TRAF2: variants seen among roughly 807,000 people sequenced by gnomAD.
TRAF2 encodes the protein TNF receptor associated factor 2.
Under a neutral mutation model 55.6 loss-of-function variants are expected in TRAF2, and 6 were observed. The observed-to-expected ratio is 0.11, with a 90% CI of 0.06 to 0.21. The LOEUF (loss-of-function observed/expected upper bound fraction) is 0.21, where lower values mean the gene tolerates loss of function less well. Ranked by LOEUF, TRAF2 falls within the 10% of genes least tolerant of loss-of-function variation. The pLI, the probability that TRAF2 is intolerant of heterozygous loss-of-function variation, is 1.00. For missense variants in TRAF2, 561 were observed against 684.5 expected (o/e 0.82, Z 2.01); for synonymous variants, 329 against 276.3 (o/e 1.19, Z -1.89).
intron 6 of TRAF2, among the ~76,000 whole-genome samples, chr9:136,911,320 A>G (rs555639817): frequency 1.1e-4 from 16 of 141,200 alleles, no homozygotes; most frequent in African/African-American, 4.1e-4. Flanking sequence ...CCAGGAGTGC[A>G]ATGGTGTGAT....
Position 136,921,072 on chromosome 9 carries a change from A to G in TRAF2, c.995A>G (p.Asp332Gly). ...CTGGAGAGGAGCATTGGCCTCAAGG[A>G]CCTGGCGATGGCTGACTTGGAGCAG... ...QQLERSIGLK[D>G]LAMADLEQKV... Residue 332 changes from aspartate to glycine, a missense_variant, in exon 9 of 11, where the codon GAC becomes GGC. Physicochemically the swap from Asp to Gly is moderately conservative, Grantham distance 94. Transcript: ENST00000247668. The G allele has an allele frequency of 6.2e-7, 1 of 1,613,976 alleles. No homozygotes were observed. Among genetic ancestry groups the G allele is most frequent in the South Asian group, 1.1e-5 (1 of 91,076 alleles).
intron 6 of TRAF2, among the ~76,000 whole-genome samples, chr9:136,914,336 C>T (rs984038949): frequency 1.6e-4 from 25 of 152,316 alleles, no homozygotes; most frequent in Non-Finnish European, 2.6e-4. Context: ...CAGCATGCTG[C>T]GCACATGCCA....
intron 7 of TRAF2, among the ~76,000 whole-genome samples, chr9:136,919,372 C>T (rs1345216358): frequency 6.8e-6 from 1 of 147,620 alleles, no homozygotes; most frequent in Non-Finnish European, 1.5e-5. Context: ...GATCTCGGCT[C>T]ACCACAACCT....
At chr9:136,905,559 A>G (rs1849927655) in intron 4 of TRAF2, among the ~76,000 whole-genome samples, 1 of 152,230 alleles carries the variant, frequency 6.6e-6, no homozygotes, top group African/African-American at 2.4e-5. Flanking sequence ...ACTTAATACC[A>G]CAGAACTGTG....
At chr9:136,902,905 T>C (rs1849854881) in intron 4 of TRAF2, among the ~76,000 whole-genome samples, 1 of 152,238 alleles carries the variant, frequency 6.6e-6, no homozygotes, top group East Asian at 1.9e-4. Context: ...GGGAAAATCC[T>C]GCTTAGCTTT....
chr9:136,882,830 C>G, upstream of TRAF2: 1 of 783,260 alleles, frequency 1.3e-6, no homozygotes, highest in Middle Eastern at 6.4e-4. Flanking sequence ...CTCTGCCTCT[C>G]AGTCAGGCTG....
intron 5 of TRAF2, among the ~76,000 whole-genome samples, chr9:136,909,234 A>ATGCATTTCTGCGGTGCAGAGCTAGTCGC (rs11271050): frequency 6.6e-6 from 1 of 151,530 alleles, no homozygotes; most frequent in African/African-American, 2.4e-5. Context: ...GTTGGTGAGA[A>ATGCATTTCTGCGGTGCAGAGCTAGTCGC]TAGCGCCATG....
upstream of TRAF2, chr9:136,882,878 A>G (rs1849390426): frequency 2.8e-6 from 1 of 356,090 alleles, no homozygotes; most frequent in Non-Finnish European, 3.9e-6. Flanking sequence ...TGTCATCACA[A>G]TCAATATTAT....
At chr9:136,907,917 T>TGG (rs1690938068) in intron 4 of TRAF2, among the ~76,000 whole-genome samples, 153 bp from the exon 5 acceptor site, 1 of 151,930 alleles carries the variant, frequency 6.6e-6, no homozygotes, top group African/African-American at 2.4e-5. Context: ...CTCCCACCTG[T>TGG]GGGAGCCCTG....
intron 10 of TRAF2, 80 bp downstream of exon 10, chr9:136,924,080 G>A (rs970838298): frequency 2.5e-5 from 38 of 1,548,364 alleles, no homozygotes; most frequent in Middle Eastern, 2.3e-4. Flanking sequence ...GTGCAGGGTT[G>A]TGCGGGACAA....
chr9:136,882,129 C>T, upstream of TRAF2: 1 of 806,536 alleles, frequency 1.2e-6, no homozygotes, highest in Non-Finnish European at 1.5e-6. Flanking sequence ...CTCCTGGCTC[C>T]ATGTGCAAGC....
intron 3 of TRAF2, among the ~76,000 whole-genome samples, chr9:136,899,936 T>G (rs1849775341): frequency 6.6e-6 from 1 of 152,064 alleles, no homozygotes; most frequent in Non-Finnish European, 1.5e-5. Flanking sequence ...AGGGCCAAAG[T>G]GGGTGGATCA....
At chr9:136,903,270 CTT>C (rs567500698) in intron 4 of TRAF2, among the ~76,000 whole-genome samples, 3 of 152,312 alleles carry the variant, frequency 2.0e-5, no homozygotes, top group Non-Finnish European at 4.4e-5. Context: ...AATTTTAAAA[CTT>C]TAGGTAAATG....
chr9:136,912,411 C>T (rs946808467), intron 6 of TRAF2, among the ~76,000 whole-genome samples: 12 of 147,298 alleles, frequency 8.1e-5, no homozygotes, highest in South Asian at 4.3e-4. Flanking sequence ...CCACCCATCT[C>T]GGCCTCCCAA....
intron 10 of TRAF2, among the ~76,000 whole-genome samples, chr9:136,924,284 C>G (rs376795999): frequency 3.3e-5 from 5 of 151,984 alleles, no homozygotes; most frequent in Non-Finnish European, 7.4e-5. Flanking sequence ...GCCGAGTGGG[C>G]GGGGAGTATG....
chr9:136,905,272 G>A (rs993076064), intron 4 of TRAF2, among the ~76,000 whole-genome samples: 2 of 152,166 alleles, frequency 1.3e-5, no homozygotes, highest in African/African-American at 4.8e-5. Context: ...CTCTCTCCGG[G>A]TTGTGCCCAT....
chr9:136,892,794 C>T (rs1313794761), intron 1 of TRAF2, among the ~76,000 whole-genome samples: 1 of 151,802 alleles, frequency 6.6e-6, no homozygotes, highest in Non-Finnish European at 1.5e-5. Context: ...GCAGGAGAAT[C>T]GCTTGAACCT....
In TRAF2 at chr9:136,921,064, C is replaced by T. The variant is rs1427493862; in HGVS notation, c.987C>T (p.Gly329=). The change falls in exon 9 of 11, where the codon GGC becomes GGT. Residue 329 remains glycine (G), a synonymous_variant. Transcript: ENST00000247668. Reference sequence around the variant, plus strand: ...TGCAGCAGCTGGAGAGGAGCATTGGCCTCAAGGACCTGGCGATGGCTGACT... The same window carrying T: ...TGCAGCAGCTGGAGAGGAGCATTGGTCTCAAGGACCTGGCGATGGCTGACT... ...SKVQQLERSI[G]LKDLAMADLE... is the part of the protein sequence containing the mutation. 3.7e-6 allele frequency: 6 copies of T among 1,613,936 alleles called. No homozygotes were observed. The highest frequency in any genetic ancestry group is 5.1e-6 in the Non-Finnish European group (6 of 1,180,008).
In TRAF2 at chr9:136,887,938, C is replaced by T. The variant is rs187858313; in HGVS notation, c.-29+1397C>T. The stretch of plus-strand genomic sequence containing the variant: ...AGGCTGGAGTGCAGTGGCTCGATCT[C>T]GGCTCACTGCAGCCTCCGCCTCCTG... On this transcript the variant is annotated intron_variant, in intron 1 of 10. Coordinates refer to ENST00000247668, the MANE Select transcript of TRAF2 (RefSeq NM_021138.4). 7.0e-4 allele frequency among the ~76,000 whole-genome samples: 106 copies of T among 152,076 alleles called. 5 individuals are homozygous for T. The East Asian group carries it at 0.018, about 26-fold the overall frequency.
Sources: gnomAD v4.1 joint callset for allele counts (sites outside exome capture counted in the v4.1 genomes callset) on GRCh38, gnomAD v4.1.1 for gene constraint, MANE v1.5 for transcripts, NCBI Gene and HGNC (gene_info 2026-07-23, HGNC 2026-07-21) for gene names.